The following IFNGR2 variants were observed in gnomAD, a reference collection of about 807,000 sequenced individuals.
IFNGR2 encodes the protein IFN-gamma receptor 2.
Under a neutral mutation model 41.1 loss-of-function variants are expected in IFNGR2, and 15 were observed. The observed-to-expected ratio is 0.37, with a 90% CI of 0.24 to 0.56. The LOEUF is 0.56. Among genes scored for constraint, IFNGR2 ranks in the 20% least tolerant of loss-of-function variants. The pLI, the probability that IFNGR2 is intolerant of heterozygous loss-of-function variation, is 0.81. For missense variants in IFNGR2, 362 were observed against 415.7 expected, an observed-to-expected ratio of 0.87 and a Z score of 1.12; for synonymous variants, 161 against 171.6, an observed-to-expected ratio of 0.94 and a Z score of 0.48.
upstream of IFNGR2, chr21:33,403,192 G>A (rs1407343868): frequency 6.5e-6 from 1 of 152,892 alleles, no homozygotes; most frequent in African/African-American, 2.4e-5. Flanking sequence ...CCCGAAGGTG[G>A]GCGTCCCGCG....
intron 6 of IFNGR2, among the ~76,000 whole-genome samples, chr21:33,435,080 T>G (rs985895125): frequency 1.3e-5 from 2 of 152,252 alleles, no homozygotes; most frequent in Non-Finnish European, 2.9e-5. Flanking sequence ...AGCTACAAGC[T>G]TATTGTCTTC....
intron 1 of IFNGR2, chr21:33,410,808 TA>T (rs1322474089): frequency 2.1e-6 from 3 of 1,459,698 alleles, no homozygotes; most frequent in Non-Finnish European, 2.8e-6. Flanking sequence ...TTAAAATTCA[TA>T]ACTCATAATC....
intron 3 of IFNGR2, among the ~76,000 whole-genome samples, chr21:33,422,871 C>G (rs1223544989): frequency 9.5e-6 from 1 of 105,556 alleles, no homozygotes; most frequent in East Asian, 2.6e-4. Flanking sequence ...GAGTGAAACT[C>G]CATCTCAAAA....
chr21:33,409,112 G>A (rs2083698280), intron 1 of IFNGR2, among the ~76,000 whole-genome samples: 1 of 151,670 alleles, frequency 6.6e-6, no homozygotes, highest in Non-Finnish European at 1.5e-5. Flanking sequence ...AGGAAGTGGA[G>A]GTTACAGTGA....
At chr21:33,411,025 C>T (rs2083711803) in intron 1 of IFNGR2, 2 of 697,164 alleles carry the variant, frequency 2.9e-6, no homozygotes, top group Non-Finnish European at 5.1e-6. Context: ...GCTGGGCTGC[C>T]CAAGGACAGG....
At chr21:33,411,481 A>C (rs1198885657) in intron 1 of IFNGR2, 1 of 470,854 alleles carries the variant, frequency 2.1e-6, no homozygotes, top group African/African-American at 2.0e-5. Flanking sequence ...GGAGGGCGGA[A>C]TAATGGTCCC....
At chr21:33,410,609 A>T (rs2083708945) in intron 1 of IFNGR2, among the ~76,000 whole-genome samples, 1 of 151,892 alleles carries the variant, frequency 6.6e-6, no homozygotes. Flanking sequence ...CTGGAAATGC[A>T]GGTGTGCACC....
Position 33,432,214 on chromosome 21 carries a change from A to C in IFNGR2, c.599A>C (p.Asp200Ala). 1 of 1,614,166 alleles carries C rather than the reference A, an allele frequency of 6.2e-7. No individual in the cohort carries two copies. The highest frequency in any genetic ancestry group is 8.5e-7 in the Non-Finnish European group (1 of 1,179,968). Residue 200 changes from aspartate (D) to alanine (A), a missense_variant, in exon 5 of 7, where the codon GAT becomes GCT. Physicochemically the swap from Asp to Ala is moderately radical, Grantham distance 126 (BLOSUM62 -2). Coordinates refer to ENST00000290219, the MANE Select transcript of IFNGR2 (RefSeq NM_005534.4). ...TTCAGAAGCAACTCCATTTCATTGG[A>C]TAACTTAAAACCCTCCAGAGTGTAC... ...GPFRSNSISL[D>A]NLKPSRVYCL... is the part of the protein sequence containing the mutation.
At chr21:33,404,646 C>A (rs1306760679) in intron 1 of IFNGR2, among the ~76,000 whole-genome samples, 1 of 152,092 alleles carries the variant, frequency 6.6e-6, no homozygotes, top group African/African-American at 2.4e-5. Flanking sequence ...CCAGGCTGTT[C>A]TTGTACTCCT....
rs116536727 is a variant in IFNGR2 at position 33,432,771 on chromosome 21, C to T, written c.779C>T (p.Ser260Leu). 210 of 1,614,032 alleles carry T rather than the reference C, an allele frequency of 1.3e-4. 2 individuals are homozygous for T. In the East Asian group the frequency reaches 2.2e-3, roughly 17 times the overall value. ...LISVGTFSLL[S>L]VLAGACFFLV... ...TCCGTGGGAACATTTTCGTTGCTGT[C>T]GGTGCTGGCAGGAGCCTGTTTCTTC... The change falls in exon 6 of 7, where the codon TCG (serine) becomes TTG (leucine). Residue 260 changes from serine to leucine, a missense_variant. Ser to Leu is a moderately radical substitution (Grantham distance 145). Transcript: ENST00000290219.
intron 1 of IFNGR2, among the ~76,000 whole-genome samples, chr21:33,410,668 A>G (rs1353050870): frequency 6.6e-6 from 1 of 151,888 alleles, no homozygotes; most frequent in Non-Finnish European, 1.5e-5. Context: ...GGGTTTCACC[A>G]TGTTGGCCAG....
intron 1 of IFNGR2, among the ~76,000 whole-genome samples, chr21:33,406,930 T>G (rs1363348729): frequency 6.6e-6 from 1 of 152,066 alleles, no homozygotes. Flanking sequence ...ATTATAGATG[T>G]GAACCACCCA....
intron 2 of IFNGR2, among the ~76,000 whole-genome samples, chr21:33,415,900 C>T (rs566023581): frequency 2.0e-5 from 3 of 152,200 alleles, no homozygotes; most frequent in Non-Finnish European, 4.4e-5. Context: ...TTCCCTCTAT[C>T]GCCCAGGCTG....
chr21:33,434,833 A>C (rs985752064), intron 6 of IFNGR2, among the ~76,000 whole-genome samples: 5 of 152,048 alleles, frequency 3.3e-5, no homozygotes, highest in Non-Finnish European at 7.4e-5. Flanking sequence ...TGCAGTAATA[A>C]TCTCTCTCTC....
intron 3 of IFNGR2, among the ~76,000 whole-genome samples, chr21:33,423,003 G>C (rs1359052399): frequency 6.8e-6 from 1 of 147,426 alleles, no homozygotes; most frequent in Non-Finnish European, 1.5e-5. Context: ...TGGGTAATTA[G>C]TACATGAGTG....
intron 1 of IFNGR2, chr21:33,410,971 C>G (rs986000147): frequency 9.5e-7 from 1 of 1,054,768 alleles, no homozygotes; most frequent in Non-Finnish European, 1.4e-6. Context: ...AGCCTTCCAG[C>G]CCTGGTGTTT....
chr21:33,405,393 A>T (rs553137110), intron 1 of IFNGR2, among the ~76,000 whole-genome samples: 1 of 152,238 alleles, frequency 6.6e-6, no homozygotes, highest in African/African-American at 2.4e-5. Context: ...TTTCCATGGG[A>T]GTCAGACAGA....
chr21:33,428,790 T>A (rs1420742808), intron 4 of IFNGR2, among the ~76,000 whole-genome samples: 4 of 152,212 alleles, frequency 2.6e-5, no homozygotes, highest in African/African-American at 9.6e-5. Context: ...CTTTGGTTGC[T>A]TTCTTCACTC....
chr21:33,408,064 T>C (rs1024592837), intron 1 of IFNGR2, among the ~76,000 whole-genome samples: 8 of 152,106 alleles, frequency 5.3e-5, no homozygotes, highest in African/African-American at 1.9e-4. Flanking sequence ...CCGCCCCCAA[T>C]AGAAAGATCC....
Sources: gnomAD v4.1 joint callset for allele counts (sites outside exome capture counted in the v4.1 genomes callset) on GRCh38, gnomAD v4.1.1 for gene constraint, MANE v1.5 for transcripts, NCBI Gene and HGNC (gene_info 2026-07-23, HGNC 2026-07-21) for gene names.